PDE4D: variants seen among roughly 807,000 people sequenced by gnomAD.
PDE4D encodes 3',5'-cyclic-AMP phosphodiesterase 4D.
Under a neutral mutation model 87.4 loss-of-function variants are expected in PDE4D, and 24 were observed. The observed-to-expected ratio is 0.27, with a 90% CI of 0.20 to 0.39. The LOEUF (loss-of-function observed/expected upper bound fraction) is 0.39, where lower values mean the gene tolerates loss of function less well. PDE4D is among the 10% of genes least tolerant of loss of function. The probability of loss-of-function intolerance (pLI) is 1.00; values close to 1 mark genes in which losing one functional copy is unlikely to be tolerated. For synonymous variants in PDE4D, 384 were observed against 383.2 expected (o/e 1.00, Z -0.02); for missense variants, 714 against 1,041.0 (o/e 0.69, Z 4.32).
At chr5:59,414,857 G>C (rs1384428274) in intron 1 of PDE4D, among the ~76,000 whole-genome samples, 1 of 152,226 alleles carries the variant, frequency 6.6e-6, no homozygotes, top group Non-Finnish European at 1.5e-5. Flanking sequence ...ACAAGGAAGG[G>C]AGTTGTCATT....
chr5:60,069,258 T>C (rs1772451982), intron 2 of PDE4D, among the ~76,000 whole-genome samples: 1 of 152,136 alleles, frequency 6.6e-6, no homozygotes, highest in South Asian at 2.1e-4. Context: ...CTTACAGAGA[T>C]GATTAGGTCA....
At chr5:60,201,001 G>T (rs946559530) in intron 1 of PDE4D, among the ~76,000 whole-genome samples, 10 of 152,058 alleles carry the variant, frequency 6.6e-5, no homozygotes, top group African/African-American at 2.4e-4. Flanking sequence ...GTCTTGCTTA[G>T]TGATCAAAGA....
intron 5 of PDE4D, among the ~76,000 whole-genome samples, chr5:59,169,284 G>A (rs1030894060): frequency 6.6e-6 from 1 of 151,554 alleles, no homozygotes; most frequent in Non-Finnish European, 1.5e-5. Flanking sequence ...GTGGAGAAAG[G>A]GAGTGACTGA....
chr5:59,116,161 A>G (rs903898674), intron 5 of PDE4D, among the ~76,000 whole-genome samples: 1 of 152,190 alleles, frequency 6.6e-6, no homozygotes, highest in Non-Finnish European at 1.5e-5. Flanking sequence ...TTTTCAGCAT[A>G]TATAGTACTG....
At chr5:60,181,000 A>G (rs1054285051) in intron 2 of PDE4D, among the ~76,000 whole-genome samples, 4 of 152,054 alleles carry the variant, frequency 2.6e-5, no homozygotes, top group Admixed American at 6.6e-5. Context: ...CTAGGAAGGA[A>G]TTTGTTATTT....
At chr5:60,116,215 C>T (rs951239445) in intron 2 of PDE4D, among the ~76,000 whole-genome samples, 4 of 152,092 alleles carry the variant, frequency 2.6e-5, no homozygotes, top group African/African-American at 9.7e-5. Context: ...AATCCACAGT[C>T]TCTCTTACAT....
At chr5:60,454,323 C>A (rs1335338807) in intron 1 of PDE4D, among the ~76,000 whole-genome samples, 4 of 152,106 alleles carry the variant, frequency 2.6e-5, no homozygotes, top group Admixed American at 2.6e-4. Flanking sequence ...GATTATAAAT[C>A]ATTCTATTAT....
chr5:59,065,428 A>G (rs72770698), intron 5 of PDE4D, among the ~76,000 whole-genome samples: 1,779 of 152,242 alleles, frequency 0.012, 15 homozygotes, highest in Non-Finnish European at 0.017. Flanking sequence ...TACAATCAAC[A>G]ATACTATATT....
At chr5:59,902,538 T>C (rs952878699) in intron 3 of PDE4D, among the ~76,000 whole-genome samples, 44 of 152,268 alleles carry the variant, frequency 2.9e-4, no homozygotes, top group African/African-American at 1.0e-3. Flanking sequence ...AAGGAAAATA[T>C]GGTAACTGAG....
intron 1 of PDE4D, among the ~76,000 whole-genome samples, chr5:60,487,427 C>T (rs1684270918): frequency 6.6e-6 from 1 of 152,202 alleles, no homozygotes. Context: ...TGTATGTCTT[C>T]AATTGGCTGC....
At chr5:60,420,154 G>A (rs1280160360) in intron 1 of PDE4D, among the ~76,000 whole-genome samples, 1 of 152,192 alleles carries the variant, frequency 6.6e-6, no homozygotes, top group Non-Finnish European at 1.5e-5. Flanking sequence ...AGACATCATT[G>A]CAGTTCAGGT....
At chr5:60,410,420 C>G (rs1032042927) in intron 1 of PDE4D, among the ~76,000 whole-genome samples, 2 of 152,132 alleles carry the variant, frequency 1.3e-5, no homozygotes, top group African/African-American at 4.8e-5. Flanking sequence ...GTCTGAGCAC[C>G]TTTTCCTAGA....
chr5:59,652,043 G>A lies in PDE4D; in HGVS notation c.455+241125C>T, dbSNP rs192440095. ...CAACTCTCAAGGGCATGCCAGCTTC[G>A]GAACTGTCTATTGGCTCTGCTGAGG... On this transcript the variant is annotated intron_variant, in intron 1 of 14. Coordinates refer to ENST00000340635, the MANE Select transcript of PDE4D (RefSeq NM_001104631.2). 4.6e-5 allele frequency among the ~76,000 whole-genome samples: 7 copies of A among 152,274 alleles called. No individual in the cohort carries two copies. In the South Asian group the frequency reaches 6.2e-4, roughly 14 times the overall value.
chr5:59,973,347 A>G (rs1192105067), intron 3 of PDE4D, among the ~76,000 whole-genome samples: 1 of 152,180 alleles, frequency 6.6e-6, no homozygotes. Flanking sequence ...ACATGCAGGC[A>G]TATATTTTGC....
intron 1 of PDE4D, among the ~76,000 whole-genome samples, chr5:60,307,354 G>A (rs1754594308): frequency 6.6e-6 from 1 of 152,058 alleles, no homozygotes; most frequent in South Asian, 2.1e-4. Context: ...AAAGACAAAT[G>A]ACTAAAAGAG....
intron 1 of PDE4D, among the ~76,000 whole-genome samples, chr5:59,874,574 AT>A (rs201989235): frequency 1.3e-5 from 2 of 152,200 alleles, no homozygotes; most frequent in African/African-American, 4.8e-5. Flanking sequence ...TTTCTTATCC[AT>A]TTTAAAAAAA....
At chr5:59,135,191 G>A (rs1043143612) in intron 5 of PDE4D, among the ~76,000 whole-genome samples, 21 of 152,196 alleles carry the variant, frequency 1.4e-4, no homozygotes, top group African/African-American at 5.1e-4. Flanking sequence ...GTGGTCTGAG[G>A]AGAGTAGATG....
At chr5:60,033,110 A>C (rs1037244080) in intron 2 of PDE4D, 13 of 152,174 alleles carry the variant, frequency 8.5e-5, no homozygotes, top group African/African-American at 3.1e-4. Context: ...TATACTTTTA[A>C]TTGAGTTTTT....
At chr5:59,227,625 C>A (rs1754101017) in intron 1 of PDE4D, among the ~76,000 whole-genome samples, 1 of 151,938 alleles carries the variant, frequency 6.6e-6, no homozygotes, top group South Asian at 2.1e-4. Flanking sequence ...ATACATATGG[C>A]CAATAAGTGT....
Sources: allele counts gnomAD v4.1 joint callset (sites outside exome capture counted in the v4.1 genomes callset), GRCh38; gene constraint gnomAD v4.1.1; transcripts MANE v1.5; gene names NCBI Gene and HGNC (gene_info 2026-07-23, HGNC 2026-07-21).